Variants in KCNA2 observed in about 807,000 individuals in gnomAD.
The protein encoded by KCNA2 is potassium channel, voltage gated shaker related subfamily A, member 2.
Under a neutral mutation model 33.4 loss-of-function variants are expected in KCNA2, and 11 were observed. The ratio of observed to expected loss-of-function variants is 0.33; its 90% CI spans 0.21 to 0.55. The LOEUF is 0.55. Among genes scored for constraint, KCNA2 ranks in the 20% least tolerant of loss-of-function variants. KCNA2 has a pLI of 0.93. For missense variants in KCNA2, 291 were observed against 621.6 expected, an observed-to-expected ratio of 0.47 and a Z score of 5.66; for synonymous variants, 222 against 231.3, an observed-to-expected ratio of 0.96 and a Z score of 0.37.
In KCNA2 at chr1:110,600,580, G is replaced by A. The variant is rs1649297157; in HGVS notation, c.*2703C>T. 1 of 985,274 alleles carries A rather than the reference G, an allele frequency of 1.0e-6. No individual in the cohort carries two copies. The highest frequency in any genetic ancestry group is 1.2e-6 in the Non-Finnish European group (1 of 829,930). The allele number at this position is 985,274 out of a possible 1,614,324, so 61.0% of individuals were successfully genotyped here. ...TTTTATGTTTGTGTGTGACAACAGT[G>A]TACCTATTTTGTGGTGAATGTGCAT... is the stretch of plus-strand genomic sequence containing the variant. On this transcript the variant is annotated 3_prime_UTR_variant, in exon 3 of 3. Transcript: ENST00000316361.
chr1:110,601,709 A>C lies in KCNA2; in HGVS notation c.*1574T>G. The stretch of plus-strand genomic sequence containing the variant: ...GGTTACCAATGAGACAAATTAACCC[A>C]TTAGGCCTCTTAGACAGCCAACCCA... On this transcript the variant is annotated 3_prime_UTR_variant, in exon 3 of 3. Transcript: ENST00000316361. 2 of 1,137,892 alleles carry C rather than the reference A, an allele frequency of 1.8e-6. No individual in the cohort carries two copies. Among genetic ancestry groups the C allele is most frequent in the Non-Finnish European group, 1.1e-6 (1 of 930,476 alleles). 70.5% of individuals were successfully genotyped at this position (1,137,892 alleles called of 1,614,324 possible).
upstream of KCNA2, chr1:110,607,412 A>ACCGCG (rs1027421615): frequency 1.1e-4 from 16 of 150,620 alleles, no homozygotes. Context: ...CCGCAGCCGC[A>ACCGCG]CCGCGCCACG....
chr1:110,603,266 A>G lies in KCNA2; in HGVS notation c.*17T>C, dbSNP rs1649437452. On this transcript the variant is annotated 3_prime_UTR_variant, in exon 3 of 3. Coordinates refer to ENST00000316361, the MANE Select transcript of KCNA2 (RefSeq NM_004974.4). The surrounding 1 kb of genome is among the most constrained non-coding windows in gnomAD (Gnocchi z 5.7). ...GCATTAGTTCCATTGAGCTGTGAGT[A>G]CGGTAATAGGTTTCAATCAGACATC... 1.3e-6 allele frequency: 2 copies of G among 1,582,502 alleles called. No individual in the cohort carries two copies. Among genetic ancestry groups the G allele is most frequent in the Non-Finnish European group, 1.7e-6 (2 of 1,164,942 alleles).
In KCNA2 at chr1:110,596,745, A is replaced by T; in HGVS notation, c.*6538T>A. ...GAACCAGACATGCTTTCCCATTCCCACTCAAATAACCAAAATTGCAAAGCA... is the reference window on the plus strand; with the variant it reads ...GAACCAGACATGCTTTCCCATTCCCTCTCAAATAACCAAAATTGCAAAGCA... On this transcript the variant is annotated 3_prime_UTR_variant, in exon 3 of 3. Transcript: ENST00000316361. The T allele has an allele frequency of 1.0e-6, 1 of 985,390 alleles. No homozygotes were observed. The highest frequency in any genetic ancestry group is 1.2e-6 in the Non-Finnish European group (1 of 829,912). The allele number at this position is 985,390 out of a possible 1,614,324, so 61.0% of individuals were successfully genotyped here.
Position 110,602,762 on chromosome 1 carries a change from A to G in KCNA2, c.*521T>C. 1 of 992,140 alleles carries G rather than the reference A, an allele frequency of 1.0e-6. No individual in the cohort carries two copies. The highest frequency in any genetic ancestry group is 1.2e-6 in the Non-Finnish European group (1 of 834,372). The allele number at this position is 992,140 out of a possible 1,614,324, so 61.5% of individuals were successfully genotyped here. ...TTGGCAACTGCAATTCACAAACTCC[A>G]GCCTGTGACACAGAAAGTAATTCCA... On this transcript the variant is annotated 3_prime_UTR_variant, in exon 3 of 3. Coordinates refer to ENST00000316361, the MANE Select transcript of KCNA2 (RefSeq NM_004974.4).
chr1:110,604,354 A>G lies in KCNA2; in HGVS notation c.429T>C (p.Asn143=), dbSNP rs751701987. 2 of 1,612,184 alleles carry G rather than the reference A, an allele frequency of 1.2e-6. No homozygotes were observed. The highest frequency in any genetic ancestry group is 2.2e-5 in the South Asian group (2 of 90,980). Residue 143 remains asparagine, a synonymous_variant, in exon 3 of 3, where the codon AAT becomes AAC. Transcript: ENST00000316361. This position sits in a 1 kb window ranked among gnomAD's most constrained non-coding sequence, Gnocchi z 7.6. The part of the protein sequence containing the change: ...IKEEERPLPE[N]EFQRQVWLLF... ...GAAGCCACACTTGTCTCTGAAACTC[A>G]TTTTCAGGCAGAGGACGCTCTTCCT...
In KCNA2 at chr1:110,593,825, G is replaced by T; in HGVS notation, c.*9458C>A. 6.5e-7 allele frequency: 1 copy of T among 1,543,612 alleles called. No individual in the cohort carries two copies. The highest frequency in any genetic ancestry group is 8.7e-7 in the Non-Finnish European group (1 of 1,143,128). ...ACTGACACAGGAACTCTCAGCTGCA[G>T]AAGTCCTGGGTGGGGCAGTGTTGGT... On this transcript the variant is annotated 3_prime_UTR_variant, in exon 3 of 3. Coordinates refer to ENST00000316361, the MANE Select transcript of KCNA2 (RefSeq NM_004974.4).
At chr1:110,617,194 G>A (rs937900817) in intron 1 of KCNA2, among the ~76,000 whole-genome samples, 2 of 152,166 alleles carry the variant, frequency 1.3e-5, no homozygotes, top group Non-Finnish European at 2.9e-5. Context: ...TGTACCCCCA[G>A]TGCCTGGAGC....
At chr1:110,608,135 A>C (rs912652780), upstream of KCNA2, 1 of 152,346 alleles carries the variant, frequency 6.6e-6, no homozygotes, top group Non-Finnish European at 1.5e-5. Flanking sequence ...CAGGTGGCCC[A>C]CAGGGCTCTG....
In KCNA2 at chr1:110,603,532, G is replaced by A; in HGVS notation, c.1251C>T (p.Tyr417=). Residue 417 remains tyrosine (Y), a synonymous_variant, in exon 3 of 3, where the codon TAC becomes TAT. Transcript: ENST00000316361. The surrounding 1 kb of genome is among the most constrained non-coding windows in gnomAD (Gnocchi z 5.7). ...GTTCCTCTCCCTCTGTCTCCCGGTG[G>A]TAGAAGTAGTTGAAATTGGACACAA... ...PVIVSNFNYF[Y]HRETEGEEQA... 6.2e-7 allele frequency: 1 copy of A among 1,613,960 alleles called. No homozygotes were observed. Among genetic ancestry groups the A allele is most frequent in the East Asian group, 2.2e-5 (1 of 44,898 alleles).
In KCNA2 at chr1:110,597,746, A is replaced by G; in HGVS notation, c.*5537T>C. 2.0e-6 allele frequency: 2 copies of G among 985,384 alleles called. No homozygotes were observed. The highest frequency in any genetic ancestry group is 2.4e-6 in the Non-Finnish European group (2 of 829,870). 61.0% of individuals were successfully genotyped at this position (985,384 alleles called of 1,614,324 possible). On this transcript the variant is annotated 3_prime_UTR_variant, in exon 3 of 3. Coordinates refer to ENST00000316361, the MANE Select transcript of KCNA2 (RefSeq NM_004974.4). ...TACTATCTATCACTTTTCAGTCCTG[A>G]GAGCAAGATTTTGAAAGAGCTATTG...
At chr1:110,623,735 G>A (rs1650317722) in intron 1 of KCNA2, among the ~76,000 whole-genome samples, 1 of 151,994 alleles carries the variant, frequency 6.6e-6, no homozygotes, top group African/African-American at 2.4e-5. Context: ...GAACTCACAT[G>A]CAGAATATAT....
chr1:110,607,384 G>A (rs1431655172), upstream of KCNA2: 1 of 150,484 alleles, frequency 6.6e-6, no homozygotes, highest in Non-Finnish European at 1.5e-5. Flanking sequence ...CGGCGCGTAC[G>A]GAGCTCCCGG....
chr1:110,603,401 A>G lies in KCNA2; in HGVS notation c.1382T>C (p.Ile461Thr). The change falls in exon 3 of 3, where the codon ATC becomes ACC. Residue 461 changes from isoleucine to threonine, a missense_variant. Coordinates refer to ENST00000316361, the MANE Select transcript of KCNA2 (RefSeq NM_004974.4). This position sits in a 1 kb window ranked among gnomAD's most constrained non-coding sequence, Gnocchi z 5.7. ...ATTACTGTTATTTACACCCTCCTGGATCTCCATGTAATCAGACTTACTAAT... is the reference window on the plus strand; with the variant it reads ...ATTACTGTTATTTACACCCTCCTGGGTCTCCATGTAATCAGACTTACTAAT... ...STISKSDYMEIQEGVNNSNED... is the reference protein window; with the variant it reads ...STISKSDYMETQEGVNNSNED... 1 of 1,614,192 alleles carries G rather than the reference A, an allele frequency of 6.2e-7. No individual in the cohort carries two copies. The highest frequency in any genetic ancestry group is 8.5e-7 in the Non-Finnish European group (1 of 1,180,038).
intron 1 of KCNA2, among the ~76,000 whole-genome samples, chr1:110,619,163 C>A (rs1310580635): frequency 6.6e-6 from 1 of 152,212 alleles, no homozygotes; most frequent in Non-Finnish European, 1.5e-5. Context: ...GAATGCATCC[C>A]TGTGGCCTGG....
At chr1:110,629,168 T>C (rs1379428829) in intron 1 of KCNA2, among the ~76,000 whole-genome samples, 1 of 152,186 alleles carries the variant, frequency 6.6e-6, no homozygotes, top group African/African-American at 2.4e-5. Context: ...TAAATCAGAA[T>C]GTCTTGGGGT....
In KCNA2 at chr1:110,603,001, T is replaced by C; in HGVS notation, c.*282A>G. On this transcript the variant is annotated 3_prime_UTR_variant, in exon 3 of 3. Coordinates refer to ENST00000316361, the MANE Select transcript of KCNA2 (RefSeq NM_004974.4). The surrounding 1 kb of genome is among the most constrained non-coding windows in gnomAD (Gnocchi z 5.7). ...GATGGCACTGATATGGTGCACTGTG[T>C]ATGGGATATGAGGTGGCCTCAACGT... 1.5e-6 allele frequency: 2 copies of C among 1,293,168 alleles called. No homozygotes were observed. The highest frequency in any genetic ancestry group is 2.0e-6 in the Non-Finnish European group (2 of 1,019,646). The allele number at this position is 1,293,168 out of a possible 1,614,324, so 80.1% of individuals were successfully genotyped here.
chr1:110,626,890 T>A (rs1279314059), intron 1 of KCNA2, among the ~76,000 whole-genome samples: 1 of 152,218 alleles, frequency 6.6e-6, no homozygotes, highest in African/African-American at 2.4e-5. Context: ...TTAATAACTT[T>A]CAAGGCCCTC....
chr1:110,596,773 C>G lies in KCNA2; in HGVS notation c.*6510G>C. The stretch of plus-strand genomic sequence containing the variant: ...CAAATAACCAAAATTGCAAAGCAAT[C>G]AGGATGTTCCTGTCCCTGAGGTTTC... On this transcript the variant is annotated 3_prime_UTR_variant, in exon 3 of 3. Coordinates refer to ENST00000316361, the MANE Select transcript of KCNA2 (RefSeq NM_004974.4). 1.0e-6 allele frequency: 1 copy of G among 985,448 alleles called. No individual in the cohort carries two copies. The highest frequency in any genetic ancestry group is 1.2e-6 in the Non-Finnish European group (1 of 829,934). 61.0% of individuals were successfully genotyped at this position (985,448 alleles called of 1,614,324 possible). A position where few individuals can be genotyped will look rare whatever the true frequency, so the allele number is the denominator to read the frequency against.
Sources: allele counts gnomAD v4.1 joint callset (sites outside exome capture counted in the v4.1 genomes callset), GRCh38; gene constraint gnomAD v4.1.1; non-coding constraint Gnocchi (gnomAD v3.1); transcripts MANE v1.5; gene names NCBI Gene and HGNC (gene_info 2026-07-23, HGNC 2026-07-21).